Variants in CDH13 observed in about 807,000 individuals in gnomAD.
CDH13 encodes cadherin 13, also known as cadherin-13.
A neutral mutation model predicts 63.8 loss-of-function variants in CDH13; 24 were observed. The ratio of observed to expected loss-of-function variants is 0.38; its 90% CI spans 0.27 to 0.53. The LOEUF (loss-of-function observed/expected upper bound fraction) is 0.53, where lower values mean the gene tolerates loss of function less well. Ranked by LOEUF, CDH13 falls within the 20% of genes least tolerant of loss-of-function variation. CDH13 has a pLI of 0.85. For missense variants in CDH13, 1,049 were observed against 903.1 expected (o/e 1.16, Z -2.07); for synonymous variants, 503 against 355.3 (o/e 1.42, Z -4.67).
chr16:83,475,174 G>A (rs1303564959), intron 6 of CDH13, among the ~76,000 whole-genome samples: 2 of 152,196 alleles, frequency 1.3e-5, no homozygotes, highest in Non-Finnish European at 2.9e-5. Context: ...CCCAGCACAG[G>A]GACTGTCTGA....
rs1401310077 is a variant in CDH13 at position 83,595,596 on chromosome 16, T to C, written c.961-6858T>C. ...AGGTCACCAAAGGGGCTTTGAGCTA[T>C]ATAGTCATTTGGAGATCCAGGTTTC... is the stretch of plus-strand genomic sequence containing the variant. On this transcript the variant is annotated intron_variant, in intron 7 of 13. Coordinates refer to ENST00000567109, the MANE Select transcript of CDH13 (RefSeq NM_001257.5). Among the ~76,000 whole-genome samples, 3 of 152,218 alleles carry C rather than the reference T, an allele frequency of 2.0e-5. No homozygotes were observed. The South Asian group carries it at 6.2e-4, about 32-fold the overall frequency.
chr16:83,728,333 A>ATGTGTGCGTGTG (rs1555521374), intron 10 of CDH13, among the ~76,000 whole-genome samples: 1 of 46,850 alleles, frequency 2.1e-5, no homozygotes, highest in Non-Finnish European at 6.5e-5. Context: ...GTGTATGTGT[A>ATGTGTGCGTGTG]TGTGTGTGCG....
intron 10 of CDH13, among the ~76,000 whole-genome samples, chr16:83,716,540 G>A (rs1908930439): frequency 6.6e-6 from 1 of 152,126 alleles, no homozygotes. Flanking sequence ...CTGGAGTGCA[G>A]TGGTGCAGTC....
intron 8 of CDH13, among the ~76,000 whole-genome samples, chr16:83,653,119 G>C (rs558683146): frequency 8.5e-5 from 13 of 152,268 alleles, no homozygotes; most frequent in African/African-American, 3.1e-4. Context: ...GGGACAGAAA[G>C]CCAATTAGTG....
intron 6 of CDH13, among the ~76,000 whole-genome samples, chr16:83,411,184 C>A (rs1035044704): frequency 1.3e-5 from 2 of 152,160 alleles, no homozygotes; most frequent in Admixed American, 6.5e-5. Flanking sequence ...GCTCCTTTAG[C>A]CTGAAACAAT....
chr16:83,424,947 C>G (rs1392278993), intron 6 of CDH13, among the ~76,000 whole-genome samples: 3 of 152,200 alleles, frequency 2.0e-5, no homozygotes, highest in African/African-American at 7.2e-5. Context: ...CTGATGAACA[C>G]TTGGTTGCAT....
intron 11 of CDH13, among the ~76,000 whole-genome samples, chr16:83,770,714 T>C (rs1303102274): frequency 6.6e-6 from 1 of 152,188 alleles, no homozygotes; most frequent in East Asian, 1.9e-4. Context: ...GCCATGGCAT[T>C]TGTAAACTGT....
At chr16:82,628,772 C>T (rs533540134) in intron 1 of CDH13, among the ~76,000 whole-genome samples, 4 of 152,090 alleles carry the variant, frequency 2.6e-5, no homozygotes, top group Non-Finnish European at 4.4e-5. Flanking sequence ...GTACATATAC[C>T]CCAATTTAGC....
intron 11 of CDH13, among the ~76,000 whole-genome samples, chr16:83,750,642 G>A (rs1203324432): frequency 6.6e-6 from 1 of 152,198 alleles, no homozygotes; most frequent in Non-Finnish European, 1.5e-5. Flanking sequence ...TGCACACAGG[G>A]AGAACACCAC....
intron 10 of CDH13, among the ~76,000 whole-genome samples, chr16:83,693,903 A>G (rs1462630866): frequency 6.6e-6 from 1 of 152,228 alleles, no homozygotes; most frequent in African/African-American, 2.4e-5. Context: ...TCACCCAAAC[A>G]AGTTTAGGAT....
chr16:83,459,598 T>C (rs893749765), intron 6 of CDH13, among the ~76,000 whole-genome samples: 2 of 152,242 alleles, frequency 1.3e-5, no homozygotes, highest in Admixed American at 6.5e-5. Context: ...ACCAGAGCCA[T>C]AGGAAAATGG....
intron 3 of CDH13, among the ~76,000 whole-genome samples, chr16:83,096,952 C>A (rs949265564): frequency 2.6e-5 from 4 of 151,838 alleles, no homozygotes; most frequent in Non-Finnish European, 4.4e-5. Context: ...TTTCTGAGCA[C>A]GGTTGAAAAT....
At chr16:83,014,818 A>ATATATG (rs1914578315) in intron 2 of CDH13, among the ~76,000 whole-genome samples, 1 of 74,254 alleles carries the variant, frequency 1.3e-5, no homozygotes, top group Non-Finnish European at 2.5e-5. Flanking sequence ...ATATATTTGT[A>ATATATG]TATATATATT....
chr16:83,282,675 GA>G (rs1277241992), intron 5 of CDH13, among the ~76,000 whole-genome samples: 1 of 152,162 alleles, frequency 6.6e-6, no homozygotes, highest in Non-Finnish European at 1.5e-5. Context: ...AGACAAATAG[GA>G]AATGGAAGAA....
chr16:83,572,731 A>G (rs977566048), intron 7 of CDH13, among the ~76,000 whole-genome samples: 11 of 152,262 alleles, frequency 7.2e-5, no homozygotes, highest in African/African-American at 2.7e-4. Context: ...TTCGTGATTT[A>G]GAAGAATTCG....
At chr16:83,305,119 A>T (rs1191691339) in intron 5 of CDH13, among the ~76,000 whole-genome samples, 1 of 152,084 alleles carries the variant, frequency 6.6e-6, no homozygotes, top group Admixed American at 6.5e-5. Context: ...TCCTGCTCTG[A>T]AGGGGGCCAT....
intron 1 of CDH13, among the ~76,000 whole-genome samples, chr16:82,801,066 T>C (rs1367800220): frequency 6.6e-6 from 1 of 152,172 alleles, no homozygotes; most frequent in African/African-American, 2.4e-5. Flanking sequence ...ATTTTTCAAG[T>C]ACTCTCAGGA....
chr16:83,021,028 T>C (rs2151454734), intron 2 of CDH13, among the ~76,000 whole-genome samples: 1 of 152,312 alleles, frequency 6.6e-6, no homozygotes, highest in East Asian at 1.9e-4. Context: ...GTTTAAAAAC[T>C]AAGGGCCTTG....
chr16:83,069,930 T>C (rs2032310520), intron 3 of CDH13, among the ~76,000 whole-genome samples: 2 of 152,178 alleles, frequency 1.3e-5, no homozygotes, highest in Non-Finnish European at 1.5e-5. Flanking sequence ...GCAATCAGTG[T>C]AGTTGATGGA....
Sources: gnomAD v4.1 joint callset for allele counts (sites outside exome capture counted in the v4.1 genomes callset) on GRCh38, gnomAD v4.1.1 for gene constraint, MANE v1.5 for transcripts, NCBI Gene and HGNC (gene_info 2026-07-23, HGNC 2026-07-21) for gene names.